SPATA13: variants seen among roughly 807,000 people sequenced by gnomAD.
The protein encoded by SPATA13 is spermatogenesis-associated protein 13.
A neutral mutation model predicts 104.0 loss-of-function variants in SPATA13; 50 were observed. The observed-to-expected ratio is 0.48, with a 90% CI of 0.38 to 0.61. The LOEUF is 0.61. SPATA13 is among the 20% of genes least tolerant of loss of function. The pLI, the probability that SPATA13 is intolerant of heterozygous loss-of-function variation, is 0.00. For synonymous variants in SPATA13, 606 were observed against 667.5 expected (o/e 0.91, Z 1.42); for missense variants, 1,524 against 1,690.6 (o/e 0.90, Z 1.73).
Position 24,223,602 on chromosome 13 carries a change from AC to A in SPATA13, c.674del (p.Thr225ArgfsTer2). Reference protein sequence around the residue: ...LDAPQNHATPTIATGQVPAVC... With the variant: ...LDAPQNHATPXIATGQVPAVC... Reference sequence around the variant, plus strand: ...TGCGCCCCAGAACCATGCGACACCCACGATAGCCACTGGCCAGGTGCCCGCC... The same window carrying A: ...TGCGCCCCAGAACCATGCGACACCCAGATAGCCACTGGCCAGGTGCCCGCC... On this transcript the variant is annotated frameshift_variant, in exon 2 of 13. Transcript: ENST00000382108. LOFTEE classifies it high-confidence loss of function. The A allele has an allele frequency of 3.2e-6, 5 of 1,551,162 alleles. No homozygotes were observed. The highest frequency in any genetic ancestry group is 4.4e-6 in the Non-Finnish European group (5 of 1,147,022).
intron 2 of SPATA13, among the ~76,000 whole-genome samples, chr13:23,994,458 T>C (rs538505289): frequency 6.6e-6 from 1 of 152,302 alleles, no homozygotes; most frequent in South Asian, 2.1e-4. Context: ...CAGAACTTTC[T>C]GTTAGAATAG....
intron 2 of SPATA13, among the ~76,000 whole-genome samples, chr13:23,988,957 G>A (rs1875281666): frequency 6.6e-6 from 1 of 152,100 alleles, no homozygotes; most frequent in African/African-American, 2.4e-5. Flanking sequence ...CTGAGAATTA[G>A]TAAAACCTGC....
intron 2 of SPATA13, among the ~76,000 whole-genome samples, chr13:24,247,478 CTTTTTTTT>C (rs10625714): frequency 1.1e-5 from 1 of 87,122 alleles, no homozygotes; most frequent in African/African-American, 4.0e-5. Flanking sequence ...TCCACATTCA[CTTTTTTTT>C]TTTTTTTTTT....
At chr13:24,111,240 G>C (rs1395804669) in intron 3 of SPATA13, among the ~76,000 whole-genome samples, 1 of 151,872 alleles carries the variant, frequency 6.6e-6, no homozygotes, top group Non-Finnish European at 1.5e-5. Flanking sequence ...AATAATAAAA[G>C]AGGCTAGTGA....
chr13:24,217,609 A>C (rs1871327102), intron 1 of SPATA13, among the ~76,000 whole-genome samples: 1 of 152,208 alleles, frequency 6.6e-6, no homozygotes, highest in Non-Finnish European at 1.5e-5. Context: ...AACATTAGAG[A>C]ACTGTTTCTA....
intron 2 of SPATA13, among the ~76,000 whole-genome samples, chr13:24,010,225 C>T (rs1876407140): frequency 6.6e-6 from 1 of 152,168 alleles, no homozygotes; most frequent in African/African-American, 2.4e-5. Context: ...GTAGTCGCTT[C>T]TTAGTCTGGC....
intron 3 of SPATA13, among the ~76,000 whole-genome samples, chr13:24,050,892 C>T (rs797019986): frequency 5.9e-5 from 9 of 152,330 alleles, no homozygotes; most frequent in African/African-American, 2.2e-4. Flanking sequence ...TGCAGCTTTA[C>T]TGTCCTGGGA....
chr13:24,063,207 C>T (rs1396706902), intron 3 of SPATA13, among the ~76,000 whole-genome samples: 5 of 152,258 alleles, frequency 3.3e-5, no homozygotes, highest in African/African-American at 4.8e-5. Flanking sequence ...TGGTTTTATT[C>T]GCGTCTGCCT....
chr13:24,154,058 T>G (rs1220731607), intron 3 of SPATA13, among the ~76,000 whole-genome samples: 2 of 152,230 alleles, frequency 1.3e-5, no homozygotes, highest in Non-Finnish European at 1.5e-5. Context: ...CAAGTTTTAG[T>G]GAAGGTGGGG....
At chr13:24,057,078 A>C (rs7992375) in intron 3 of SPATA13, among the ~76,000 whole-genome samples, 1 of 144,324 alleles carries the variant, frequency 6.9e-6, no homozygotes, top group Non-Finnish European at 1.5e-5. Context: ...TTCTTTTTTT[A>C]AAAAATTTTA....
At chr13:24,041,545 G>A (rs1359391317) in intron 3 of SPATA13, among the ~76,000 whole-genome samples, 1 of 152,230 alleles carries the variant, frequency 6.6e-6, no homozygotes, top group African/African-American at 2.4e-5. Flanking sequence ...GTAGGTCAAA[G>A]GTTAAACGAT....
rs1877391376 is a variant in SPATA13, at chr13:24,303,874, C to T, written c.*1101C>T. ...TGAGCTGAGATCGCACCACTGCACT[C>T]CAGCCTGGGAGATACAGCGAGACTG... On this transcript the variant is annotated 3_prime_UTR_variant, in exon 13 of 13. Coordinates refer to ENST00000382108, the MANE Select transcript of SPATA13 (RefSeq NM_001166271.3). The T allele has an allele frequency of 6.6e-6, 1 of 152,222 alleles. No individual in the cohort carries two copies. Among genetic ancestry groups the T allele is most frequent in the Non-Finnish European group, 1.5e-5 (1 of 68,052 alleles). The allele number at this position is 152,222 out of a possible 1,614,324, so 9.4% of individuals were successfully genotyped here.
At chr13:24,004,352 G>A (rs985849824) in intron 2 of SPATA13, among the ~76,000 whole-genome samples, 3 of 152,168 alleles carry the variant, frequency 2.0e-5, no homozygotes, top group Admixed American at 6.5e-5. Flanking sequence ...CGGCAGTGTT[G>A]ACAGTTAGTG....
intron 2 of SPATA13, among the ~76,000 whole-genome samples, chr13:23,987,291 A>G (rs1875194912): frequency 6.6e-6 from 1 of 152,186 alleles, no homozygotes; most frequent in African/African-American, 2.4e-5. Context: ...CTATTAGAAT[A>G]TGTCTATGAC....
At chr13:24,198,393 A>G (rs1870208684) in intron 1 of SPATA13, among the ~76,000 whole-genome samples, 1 of 152,166 alleles carries the variant, frequency 6.6e-6, no homozygotes, top group Admixed American at 6.5e-5. Flanking sequence ...CTTTATAATA[A>G]AGCAGCAAGC....
chr13:24,250,837 G>A (rs1022030672), intron 3 of SPATA13, among the ~76,000 whole-genome samples: 2 of 152,136 alleles, frequency 1.3e-5, no homozygotes, highest in Admixed American at 6.5e-5. Flanking sequence ...AAATTGTCAC[G>A]CATTTTAACT....
chr13:24,183,438 C>T (rs763805516), intron 1 of SPATA13, among the ~76,000 whole-genome samples: 1 of 152,110 alleles, frequency 6.6e-6, no homozygotes, highest in Non-Finnish European at 1.5e-5. Flanking sequence ...AGGGTTGAAA[C>T]GCTTTCTATG....
At chr13:24,278,798 A>C (rs1372055446) in intron 4 of SPATA13, 2 of 1,601,688 alleles carry the variant, frequency 1.2e-6, no homozygotes, top group African/African-American at 2.7e-5. Flanking sequence ...AAAGAAAAAA[A>C]ATGTGCATCG....
At position 24,223,286 on chromosome 13, in the gene SPATA13, C is replaced by T. The variant is rs919863925; in HGVS notation, c.357C>T (p.Ser119=). 6.4e-7 allele frequency: 1 copy of T among 1,551,650 alleles called. No homozygotes were observed. The highest frequency in any genetic ancestry group is 8.7e-7 in the Non-Finnish European group (1 of 1,147,004). ...TGGGATCCTTTAAGAAACTGAAGTC[C>T]TCAGTCCTGAAAGGAATTCAGAGCC... ...RKMGSFKKLK[S]SVLKGIQSRE... is the part of the protein sequence containing the mutation. Residue 119 remains serine, a synonymous_variant, in exon 2 of 13, where the codon TCC becomes TCT. Coordinates refer to ENST00000382108, the MANE Select transcript of SPATA13 (RefSeq NM_001166271.3).
Sources: gnomAD v4.1 joint callset for allele counts (sites outside exome capture counted in the v4.1 genomes callset) on GRCh38, gnomAD v4.1.1 for gene constraint, MANE v1.5 for transcripts, NCBI Gene and HGNC (gene_info 2026-07-23, HGNC 2026-07-21) for gene names.